EGFR: variants seen among roughly 807,000 people sequenced by gnomAD.
The protein encoded by EGFR is avian erythroblastic leukemia viral (v-erb-b) oncogene homolog.
In EGFR, 58 loss-of-function variants were observed where a neutral mutation model predicts 143.0. The observed-to-expected ratio is 0.41, with a 90% CI of 0.33 to 0.50. The LOEUF is 0.50. Among genes scored for constraint, EGFR ranks in the 20% least tolerant of loss-of-function variants. EGFR has a pLI of 0.39. For synonymous variants in EGFR, 613 were observed against 594.4 expected, an observed-to-expected ratio of 1.03 and a Z score of -0.45; for missense variants, 1,307 against 1,579.0, an observed-to-expected ratio of 0.83 and a Z score of 2.92.
chr7:55,170,090 G>A (rs1028480968), intron 15 of EGFR, among the ~76,000 whole-genome samples: 3 of 152,126 alleles, frequency 2.0e-5, no homozygotes, highest in African/African-American at 7.2e-5. Context: ...TGTGTGTTTG[G>A]TTTATGAACT....
intron 1 of EGFR, among the ~76,000 whole-genome samples, chr7:55,133,794 G>A (rs569850462): frequency 5.3e-4 from 80 of 152,298 alleles, no homozygotes; most frequent in African/African-American, 1.8e-3. Context: ...GGAGCCACAC[G>A]GCCCTGAAGC....
intron 21 of EGFR, 102 bp downstream of exon 21, chr7:55,191,976 T>A: frequency 1.3e-6 from 2 of 1,545,506 alleles, no homozygotes; most frequent in Non-Finnish European, 1.8e-6. Flanking sequence ...GAGGATGCTC[T>A]CCAGACATTC....
At position 55,181,392 on chromosome 7, in the gene EGFR, T is replaced by G; in HGVS notation, c.2383T>G (p.Phe795Val). ...GCAGCTCATCACGCAGCTCATGCCC[T>G]TCGGCTGCCTCCTGGACTATGTCCG... ...TVQLITQLMP[F>V]GCLLDYVREH... Residue 795 changes from phenylalanine to valine, a missense_variant, in exon 20 of 28, where the codon TTC (phenylalanine) becomes GTC (valine). Physicochemically the swap from Phe to Val is conservative, Grantham distance 50. Coordinates refer to ENST00000275493, the MANE Select transcript of EGFR (RefSeq NM_005228.5). The G allele has an allele frequency of 6.2e-7, 1 of 1,614,212 alleles. No homozygotes were observed. The highest frequency in any genetic ancestry group is 8.5e-7 in the Non-Finnish European group (1 of 1,180,016).
At chr7:55,051,060 A>T (rs189095512) in intron 1 of EGFR, among the ~76,000 whole-genome samples, 1 of 152,176 alleles carries the variant, frequency 6.6e-6, no homozygotes, top group African/African-American at 2.4e-5. Flanking sequence ...CCTGGTCGGC[A>T]CCATGCTAGA....
At chr7:55,078,601 G>A (rs1021982049) in intron 1 of EGFR, among the ~76,000 whole-genome samples, 3 of 152,230 alleles carry the variant, frequency 2.0e-5, no homozygotes, top group African/African-American at 7.2e-5. Context: ...TTGTCAGGGT[G>A]GGGGCCACAC....
rs1788079057 is a variant in EGFR, at chr7:55,205,610, G to C, written c.3626G>C (p.Gly1209Ala). 2.5e-6 allele frequency: 4 copies of C among 1,614,048 alleles called. No homozygotes were observed. Among genetic ancestry groups the C allele is most frequent in the Non-Finnish European group, 3.4e-6 (4 of 1,180,036 alleles). ...GCGCCACAAAGCAGTGAATTTATTG[G>C]AGCATGACCACGGAGGATAGTATGA... ...RVAPQSSEFIGA is the reference protein window; with the variant it reads ...RVAPQSSEFIAA The change falls in exon 28 of 28, where the codon GGA becomes GCA. Residue 1209 changes from glycine to alanine, a missense_variant. Physicochemically the swap from Gly to Ala is moderately conservative, Grantham distance 60. This residue lies in a region of EGFR where 313 missense variants were observed against 312.3 expected (regional missense o/e 1.00). Coordinates refer to ENST00000275493, the MANE Select transcript of EGFR (RefSeq NM_005228.5).
At position 55,146,575 on chromosome 7, in the gene EGFR, G is replaced by A. The variant is rs774390915; in HGVS notation, c.425-31G>A. The A allele has an allele frequency of 2.3e-5, 37 of 1,613,704 alleles. No homozygotes were observed. The South Asian group carries it at 3.1e-4, about 13-fold the overall frequency. ...CATGGGAATTTAAAGGAGCTGGAAA[G>A]AGTGCTCACCGCAGTTCCATTCTCC... On this transcript the variant is annotated intron_variant, in intron 3 of 27. Transcript: ENST00000275493.
intron 1 of EGFR, among the ~76,000 whole-genome samples, chr7:55,046,587 GA>G (rs11337454): frequency 0.33 from 43,509 of 133,606 alleles, 7,609 homozygotes; most frequent in East Asian, 0.89. Flanking sequence ...GATGTTCTTG[GA>G]AAAAAAAAAA....
Position 55,124,924 on chromosome 7 carries a change from CCT to C in EGFR, c.89-17361_89-17360del, listed in dbSNP as rs537785711. On this transcript the variant is annotated intron_variant, in intron 1 of 27. Coordinates refer to ENST00000275493, the MANE Select transcript of EGFR (RefSeq NM_005228.5). ...GTTTGTCGATTCACCCTCTTTAACC[CCT>C]GTCGGGGTGTCCATTGTGCCCCTTC... Among the ~76,000 whole-genome samples, 243 of 152,250 alleles carry C rather than the reference CCT, an allele frequency of 1.6e-3. 2 individuals carry two copies. Among genetic ancestry groups the C allele is most frequent in the African/African-American group, 5.7e-3 (237 of 41,538 alleles).
intron 20 of EGFR, among the ~76,000 whole-genome samples, chr7:55,188,693 T>C (rs1363605516): frequency 9.2e-5 from 14 of 152,176 alleles, no homozygotes; most frequent in Admixed American, 9.2e-4. Context: ...GCAGCTCTTA[T>C]CTTTGGGGAC....
intron 1 of EGFR, among the ~76,000 whole-genome samples, chr7:55,038,573 A>G (rs181843543): frequency 6.6e-6 from 1 of 152,314 alleles, no homozygotes; most frequent in Non-Finnish European, 1.5e-5. Context: ...CTCTAAAGTC[A>G]TTTTCTCAAA....
At chr7:55,053,766 T>G (rs1788627676) in intron 1 of EGFR, among the ~76,000 whole-genome samples, 2 of 152,228 alleles carry the variant, frequency 1.3e-5, no homozygotes, top group African/African-American at 4.8e-5. Context: ...CGCAGGAACC[T>G]CAGCAGGGCA....
chr7:55,168,551 T>C (rs756492455), intron 15 of EGFR: 2 of 1,609,510 alleles, frequency 1.2e-6, no homozygotes, highest in Non-Finnish European at 1.7e-6. Flanking sequence ...TGTCTGACTT[T>C]AGTCTCCCAC....
chr7:55,175,401 A>T (rs2128955321), intron 19 of EGFR, among the ~76,000 whole-genome samples: 1 of 152,354 alleles, frequency 6.6e-6, no homozygotes, highest in Admixed American at 6.5e-5. Context: ...TTGTGGAATA[A>T]GTTCTTGGAA....
chr7:55,204,318 C>A (rs1488049366), intron 27 of EGFR, among the ~76,000 whole-genome samples: 1 of 147,588 alleles, frequency 6.8e-6, no homozygotes, highest in Non-Finnish European at 1.5e-5. Context: ...ACGCCACACA[C>A]ACACATACAC....
intron 1 of EGFR, among the ~76,000 whole-genome samples, chr7:55,081,683 A>G (rs1013995040): frequency 2.6e-5 from 4 of 151,302 alleles, no homozygotes; most frequent in African/African-American, 7.3e-5. Flanking sequence ...TGCACAATTC[A>G]TCAGTGTCTG....
chr7:55,072,090 G>A (rs1310507163), intron 1 of EGFR, among the ~76,000 whole-genome samples: 1 of 76,608 alleles, frequency 1.3e-5, no homozygotes, highest in Non-Finnish European at 3.5e-5. Context: ...AAACTCCCTG[G>A]TTAGGCCTTG....
intron 22 of EGFR, among the ~76,000 whole-genome samples, chr7:55,193,480 G>C (rs1398182178): frequency 6.6e-6 from 1 of 152,152 alleles, no homozygotes; most frequent in African/African-American, 2.4e-5. Flanking sequence ...TCCCTGCCCT[G>C]TCCTGAGCCT....
Position 55,111,119 on chromosome 7 carries a change from C to G in EGFR, c.89-31167C>G, listed in dbSNP as rs570712732. ...AGCAGACAGCTGACTGCACTCTTCC[C>G]AAGAAACCCTGCCAGCTGGGTTCGG... is the stretch of plus-strand genomic sequence containing the variant. On this transcript the variant is annotated intron_variant, in intron 1 of 27. Coordinates refer to ENST00000275493, the MANE Select transcript of EGFR (RefSeq NM_005228.5). 3.9e-5 allele frequency among the ~76,000 whole-genome samples: 6 copies of G among 152,296 alleles called. No homozygotes were observed. The East Asian group carries it at 1.2e-3, about 29-fold the overall frequency.
Sources: gnomAD v4.1 joint callset for allele counts (sites outside exome capture counted in the v4.1 genomes callset) on GRCh38, gnomAD v4.1.1 for gene constraint, gnomAD v4.1.1 regional missense constraint, MANE v1.5 for transcripts, NCBI Gene and HGNC (gene_info 2026-07-23, HGNC 2026-07-21) for gene names.